Variants in PPP1R14A observed in about 807,000 individuals in gnomAD.
The protein encoded by PPP1R14A is protein phosphatase 1 regulatory inhibitor subunit 14A, also known as protein phosphatase 1 regulatory subunit 14A.
In PPP1R14A, 9 loss-of-function variants were observed where a neutral mutation model predicts 14.1. The ratio of observed to expected loss-of-function variants is 0.64; its 90% CI spans 0.38 to 1.11. PPP1R14A has a LOEUF of 1.11. PPP1R14A is among the 50% of genes most tolerant of loss of function. The pLI, the probability that PPP1R14A is intolerant of heterozygous loss-of-function variation, is 0.01. For missense variants in PPP1R14A, 208 were observed against 200.7 expected, an observed-to-expected ratio of 1.04 and a Z score of -0.22; for synonymous variants, 93 against 88.7, an observed-to-expected ratio of 1.05 and a Z score of -0.27.
At chr19:38,251,672 T>G (rs544254404) in intron 3 of PPP1R14A, among the ~76,000 whole-genome samples, 4 of 143,134 alleles carry the variant, frequency 2.8e-5, no homozygotes, top group Admixed American at 1.4e-4. Flanking sequence ...GGAAGAGAGA[T>G]AGAGATCCAA....
At position 38,252,118 on chromosome 19, in the gene PPP1R14A, G is replaced by A; in HGVS notation, c.315+188C>T. ...GCCCCCTCAGCAGATGGGGGAGAGA[G>A]GGAGAGAGACAAGTAGGAGGACAAA... On this transcript the variant is annotated intron_variant, in intron 3 of 3. Transcript: ENST00000301242. The surrounding 1 kb of genome is among the most constrained non-coding windows in gnomAD (Gnocchi z 4.1). 1.6e-6 allele frequency: 1 copy of A among 617,668 alleles called. No individual in the cohort carries two copies. Among genetic ancestry groups the A allele is most frequent in the Non-Finnish European group, 2.9e-6 (1 of 347,966 alleles). The allele number at this position is 617,668 out of a possible 1,614,324, so 38.3% of individuals were successfully genotyped here.
intron 3 of PPP1R14A, 106 bp from the exon 4 acceptor site, chr19:38,251,552 G>T: frequency 1.1e-6 from 1 of 886,836 alleles, no homozygotes. Flanking sequence ...TTCTCTGATT[G>T]TGGGGTGGGG....
chr19:38,252,094 C>A lies in PPP1R14A; in HGVS notation c.315+212G>T. The A allele has an allele frequency of 3.3e-6, 2 of 598,610 alleles. No individual in the cohort carries two copies. The highest frequency in any genetic ancestry group is 5.9e-6 in the Non-Finnish European group (2 of 337,160). The allele number at this position is 598,610 out of a possible 1,614,324, so 37.1% of individuals were successfully genotyped here. ...GCAGATGGGGGAGGACAGAATGGAGCCCCCTCAGCAGATGGGGGAGAGAGG... is the reference window on the plus strand; with the variant it reads ...GCAGATGGGGGAGGACAGAATGGAGACCCCTCAGCAGATGGGGGAGAGAGG... On this transcript the variant is annotated intron_variant, in intron 3 of 3. Transcript: ENST00000301242. The surrounding 1 kb of genome is among the most constrained non-coding windows in gnomAD (Gnocchi z 4.1).
At chr19:38,254,827 CTT>C (rs896707330) in intron 1 of PPP1R14A, among the ~76,000 whole-genome samples, 2 of 151,838 alleles carry the variant, frequency 1.3e-5, no homozygotes, top group Non-Finnish European at 1.5e-5. Flanking sequence ...GAGTTTCGCT[CTT>C]GTTGCCCAGG....
chr19:38,255,893 A>C (rs1968241944), intron 1 of PPP1R14A, among the ~76,000 whole-genome samples: 1 of 149,838 alleles, frequency 6.7e-6, no homozygotes, highest in Non-Finnish European at 1.5e-5. Context: ...CTGGCCCTCC[A>C]CAGGCGTTTG....
Position 38,252,939 on chromosome 19 carries a change from T to C in PPP1R14A, c.237A>G (p.Glu79=). ...CCTCTTCACTCTCTAACTCCAACAA[T>C]TCATCAATGTTGATCTCATCGGGCA... ...ADMPDEINID[E]LLELESEEER... Residue 79 remains glutamate, a synonymous_variant, in exon 2 of 4, where the codon GAA becomes GAG. Transcript: ENST00000301242. The surrounding 1 kb of genome is among the most constrained non-coding windows in gnomAD (Gnocchi z 4.1). 1 of 1,614,004 alleles carries C rather than the reference T, an allele frequency of 6.2e-7. No individual in the cohort carries two copies. The highest frequency in any genetic ancestry group is 8.5e-7 in the Non-Finnish European group (1 of 1,179,892).
chr19:38,253,663 G>A (rs1453079738), intron 1 of PPP1R14A, among the ~76,000 whole-genome samples: 3 of 152,236 alleles, frequency 2.0e-5, no homozygotes, highest in Admixed American at 6.5e-5. Flanking sequence ...GTCCCCAGCT[G>A]TCGAGGGAGC....
chr19:38,251,823 C>T (rs970751256), intron 3 of PPP1R14A: 16 of 345,362 alleles, frequency 4.6e-5, no homozygotes, highest in African/African-American at 2.1e-4. Context: ...AGATCCAGGG[C>T]GAACAGAAAT....
rs1184963686 is a variant in PPP1R14A, at chr19:38,252,112, G to T, written c.315+194C>A. On this transcript the variant is annotated intron_variant, in intron 3 of 3. Coordinates refer to ENST00000301242, the MANE Select transcript of PPP1R14A (RefSeq NM_033256.3). This position sits in a 1 kb window ranked among gnomAD's most constrained non-coding sequence, Gnocchi z 4.1. ...AATGGAGCCCCCTCAGCAGATGGGG[G>T]AGAGAGGGAGAGAGACAAGTAGGAG... 1 of 611,274 alleles carries T rather than the reference G, an allele frequency of 1.6e-6. No homozygotes were observed. The highest frequency in any genetic ancestry group is 2.9e-6 in the Non-Finnish European group (1 of 344,318). The allele number at this position is 611,274 out of a possible 1,614,324, so 37.9% of individuals were successfully genotyped here.
chr19:38,255,941 C>G (rs992818548), intron 1 of PPP1R14A, among the ~76,000 whole-genome samples, 198 bp downstream of exon 1: 2 of 152,034 alleles, frequency 1.3e-5, no homozygotes, highest in Non-Finnish European at 2.9e-5. Context: ...GTGTGTTGCT[C>G]TCGGTGTGTC....
chr19:38,252,056 AG>A lies in PPP1R14A; in HGVS notation c.315+249del, dbSNP rs2146254945. ...GGTGGCCAAAGGACAGGCACAGGAG[AG>A]GCAAAAACAGGGCAGATGGGGGAGG... On this transcript the variant is annotated intron_variant, in intron 3 of 3. Coordinates refer to ENST00000301242, the MANE Select transcript of PPP1R14A (RefSeq NM_033256.3). This position sits in a 1 kb window ranked among gnomAD's most constrained non-coding sequence, Gnocchi z 4.1. 1.8e-6 allele frequency: 1 copy of A among 566,214 alleles called. No individual in the cohort carries two copies. Among genetic ancestry groups the A allele is most frequent in the African/African-American group, 1.9e-5 (1 of 53,120 alleles). The allele number at this position is 566,214 out of a possible 1,614,324, so 35.1% of individuals were successfully genotyped here. A position where few individuals can be genotyped will look rare whatever the true frequency, so the allele number is the denominator to read the frequency against.
Position 38,256,247 on chromosome 19 carries a change from C to G in PPP1R14A, c.93G>C (p.Gln31His). ...RGPGGSPGGLQKRHARVTVKY... is the reference protein window; with the variant it reads ...RGPGGSPGGLHKRHARVTVKY... Reference sequence around the variant, plus strand: ...TGACGGTGACGCGCGCGTGCCGCTTCTGCAGCCCCCCGGGACTGCCCCCTG... The same window carrying G: ...TGACGGTGACGCGCGCGTGCCGCTTGTGCAGCCCCCCGGGACTGCCCCCTG... The change falls in exon 1 of 4, where the codon CAG becomes CAC. Residue 31 changes from glutamine (Q) to histidine (H), a missense_variant. Physicochemically the swap from Gln to His is conservative, Grantham distance 24. Coordinates refer to ENST00000301242, the MANE Select transcript of PPP1R14A (RefSeq NM_033256.3). This position sits in a 1 kb window ranked among gnomAD's most constrained non-coding sequence, Gnocchi z 5.7. 6.5e-7 allele frequency: 1 copy of G among 1,550,172 alleles called. No homozygotes were observed. The highest frequency in any genetic ancestry group is 8.7e-7 in the Non-Finnish European group (1 of 1,152,876).
At chr19:38,253,412 C>T (rs1968212949) in intron 1 of PPP1R14A, among the ~76,000 whole-genome samples, 1 of 151,114 alleles carries the variant, frequency 6.6e-6, no homozygotes, top group Admixed American at 6.6e-5. Flanking sequence ...GCGGCCCCTT[C>T]CCCCAGGGGA....
chr19:38,253,118 C>G, intron 1 of PPP1R14A, 144 bp from the exon 2 acceptor site: 1 of 633,272 alleles, frequency 1.6e-6, no homozygotes, highest in South Asian at 1.8e-5. Flanking sequence ...ACAGCACTGC[C>G]AAGACGGGAC....
At chr19:38,255,636 C>T (rs1389038075) in intron 1 of PPP1R14A, among the ~76,000 whole-genome samples, 1 of 144,570 alleles carries the variant, frequency 6.9e-6, no homozygotes, top group Non-Finnish European at 1.5e-5. Flanking sequence ...CCCCCCAGCC[C>T]CCGCTTGTGT....
At chr19:38,251,472 A>G in intron 3 of PPP1R14A, 26 bp from the exon 4 acceptor site, 1 of 1,538,740 alleles carries the variant, frequency 6.5e-7, no homozygotes, top group African/African-American at 1.4e-5. Context: ...GGAGCTGAGA[A>G]CATGGGAACA....
chr19:38,251,543 T>G, intron 3 of PPP1R14A, 97 bp from the exon 4 acceptor site: 1 of 1,058,736 alleles, frequency 9.4e-7, no homozygotes, highest in Non-Finnish European at 1.3e-6. Flanking sequence ...CTCCTCCTGT[T>G]CTCTGATTGT....
At chr19:38,253,164 T>A (rs946708248) in intron 1 of PPP1R14A, 190 bp from the exon 2 acceptor site, 1 of 579,220 alleles carries the variant, frequency 1.7e-6, no homozygotes, top group Non-Finnish European at 3.1e-6. Flanking sequence ...ACAGATGGGC[T>A]GAGAGAGCCC....
intron 1 of PPP1R14A, among the ~76,000 whole-genome samples, chr19:38,253,820 G>T (rs1161190766): frequency 1.3e-5 from 2 of 152,220 alleles, no homozygotes; most frequent in Non-Finnish European, 2.9e-5. Context: ...GTCTCTGCCA[G>T]GGCCACAGCC....
Sources: gnomAD v4.1 joint callset for allele counts (sites outside exome capture counted in the v4.1 genomes callset) on GRCh38, gnomAD v4.1.1 for gene constraint, Gnocchi (gnomAD v3.1) non-coding constraint, MANE v1.5 for transcripts, NCBI Gene and HGNC (gene_info 2026-07-23, HGNC 2026-07-21) for gene names.